ZBTB8OS: variants seen among roughly 807,000 people sequenced by gnomAD.
ZBTB8OS encodes the protein tRNA splicing ligase complex subunit 1.
ZBTB8OS carries 16 observed loss-of-function variants against 29.3 expected under a neutral mutation model. That is an observed-to-expected ratio of 0.55 (90% CI 0.37 to 0.83). The LOEUF is 0.83. Among genes scored for constraint, ZBTB8OS ranks in the 40% least tolerant of loss-of-function variants. The pLI is 0.00. For synonymous variants in ZBTB8OS, 70 were observed against 64.6 expected (o/e 1.08, Z -0.40); for missense variants, 160 against 196.9 (o/e 0.81, Z 1.12).
At chr1:32,641,926 CAAACA>C (rs542788448) in intron 1 of ZBTB8OS, among the ~76,000 whole-genome samples, 3 of 151,920 alleles carry the variant, frequency 2.0e-5, no homozygotes, top group Non-Finnish European at 2.9e-5. Flanking sequence ...GAGACTGTCT[CAAACA>C]AAACAAAACA....
intron 4 of ZBTB8OS, 33 bp downstream of exon 4, chr1:32,633,612 T>C: frequency 6.8e-7 from 1 of 1,465,138 alleles, no homozygotes. Flanking sequence ...TAAGAATCCA[T>C]TTGCTCAGTA....
At position 32,631,835 on chromosome 1, in the gene ZBTB8OS, T is replaced by A. The variant is rs768456677; in HGVS notation, c.372A>T (p.Arg124=). ...AGACTTTCAAAACTTACCCAATTGA[T>A]CGTAATTTGAAATTTCTTTGATCAA... ...LSIDQRNFKL[R]SIGWGEEFSL... The change falls in exon 5 of 7, where the codon CGA becomes CGT. Residue 124 remains arginine, a synonymous_variant. Coordinates refer to ENST00000468695, the MANE Select transcript of ZBTB8OS (RefSeq NM_178547.5). 6.3e-7 allele frequency: 1 copy of A among 1,596,186 alleles called. No homozygotes were observed. The highest frequency in any genetic ancestry group is 1.7e-5 in the Admixed American group (1 of 57,620).
chr1:32,623,981 C>T (rs1341790657), intron 6 of ZBTB8OS, among the ~76,000 whole-genome samples: 5 of 152,056 alleles, frequency 3.3e-5, no homozygotes, highest in East Asian at 1.9e-4. Flanking sequence ...AGTGATAGTG[C>T]GTGAGTTTTC....
rs1443211453 is a variant in ZBTB8OS at position 32,627,557 on chromosome 1, A to G, written c.381-13T>C. 2 of 1,611,574 alleles carry G rather than the reference A, an allele frequency of 1.2e-6. No individual in the cohort carries two copies. Among genetic ancestry groups the G allele is most frequent in the African/African-American group, 2.7e-5 (2 of 74,874 alleles). ...TTCTTCTCCCCACCTTGAGAATACA[A>G]ATTAAAACATGATTAAGATTTGTTC... On this transcript the variant is annotated splice_polypyrimidine_tract_variant and intron_variant, in intron 5 of 6. Coordinates refer to ENST00000468695, the MANE Select transcript of ZBTB8OS (RefSeq NM_178547.5).
chr1:32,629,911 C>T (rs568660207), intron 5 of ZBTB8OS, among the ~76,000 whole-genome samples: 8 of 151,946 alleles, frequency 5.3e-5, no homozygotes, highest in Non-Finnish European at 1.2e-4. Context: ...CACCACCACA[C>T]CTGGCTAATT....
chr1:32,640,290 C>T (rs757720858), intron 1 of ZBTB8OS, among the ~76,000 whole-genome samples: 1 of 151,904 alleles, frequency 6.6e-6, no homozygotes, highest in African/African-American at 2.4e-5. Flanking sequence ...TTAGTAGAGA[C>T]GGGGTTTCAC....
At chr1:32,643,330 C>T (rs542222984) in intron 1 of ZBTB8OS, among the ~76,000 whole-genome samples, 15 of 152,092 alleles carry the variant, frequency 9.9e-5, no homozygotes, top group Admixed American at 2.0e-4. Context: ...GCCTTGGCCT[C>T]CCAAAGTACT....
At chr1:32,641,672 G>A (rs1646417079) in intron 1 of ZBTB8OS, among the ~76,000 whole-genome samples, 1 of 150,488 alleles carries the variant, frequency 6.6e-6, no homozygotes, top group African/African-American at 2.4e-5. Context: ...CCAGCACTTT[G>A]GGAGGCCGAG....
intron 1 of ZBTB8OS, among the ~76,000 whole-genome samples, chr1:32,637,673 G>T (rs1646082655): frequency 1.3e-5 from 2 of 152,110 alleles, no homozygotes; most frequent in African/African-American, 4.8e-5. Flanking sequence ...TCAAGACAAG[G>T]AAGTGGAGGA....
intron 5 of ZBTB8OS, among the ~76,000 whole-genome samples, chr1:32,629,749 C>CTTTTTTTTTTTT (rs869185319): frequency 8.8e-6 from 1 of 114,136 alleles, no homozygotes; most frequent in Non-Finnish European, 1.9e-5. Flanking sequence ...ATGCTTGTTT[C>CTTTTTTTTTTTT]TTTTTTTTTT....
chr1:32,625,888 T>A (rs1645093624), intron 6 of ZBTB8OS, among the ~76,000 whole-genome samples: 1 of 151,848 alleles, frequency 6.6e-6, no homozygotes, highest in Non-Finnish European at 1.5e-5. Flanking sequence ...TTTTTTTTTT[T>A]AGATGGAGTT....
intron 1 of ZBTB8OS, among the ~76,000 whole-genome samples, chr1:32,641,010 C>CAAAAAAAAAAAAAAAA (rs530189429): frequency 2.9e-5 from 3 of 104,782 alleles, no homozygotes; most frequent in African/African-American, 1.2e-4. Flanking sequence ...ACTAAAAATA[C>CAAAAAAAAAAAAAAAA]AAAAAAAAAA....
At chr1:32,627,173 G>A (rs1238774633) in intron 6 of ZBTB8OS, among the ~76,000 whole-genome samples, 2 of 152,112 alleles carry the variant, frequency 1.3e-5, no homozygotes, top group African/African-American at 4.8e-5. Context: ...ACAGAATCTA[G>A]AGACACACAG....
chr1:32,621,547 C>T lies in ZBTB8OS; in HGVS notation c.*315G>A. ...CTGCTGCTGACATCAGTGATCCTCTCTGGGGTGAGGCTGGAGGGCTTGCAT... is the reference window on the plus strand; with the variant it reads ...CTGCTGCTGACATCAGTGATCCTCTTTGGGGTGAGGCTGGAGGGCTTGCAT... On this transcript the variant is annotated 3_prime_UTR_variant, in exon 7 of 7. Transcript: ENST00000468695. The T allele has an allele frequency of 3.4e-6, 1 of 290,958 alleles. No individual in the cohort carries two copies. Among genetic ancestry groups the T allele is most frequent in the Non-Finnish European group, 6.3e-6 (1 of 158,852 alleles). 18.0% of individuals were successfully genotyped at this position (290,958 alleles called of 1,614,324 possible).
chr1:32,636,478 C>T (rs1253520922), intron 1 of ZBTB8OS, among the ~76,000 whole-genome samples: 2 of 152,090 alleles, frequency 1.3e-5, no homozygotes, highest in African/African-American at 4.8e-5. Context: ...ATCACAAGGT[C>T]AGGAGATAGA....
At chr1:32,641,787 GGCTGGC>G (rs1342525634) in intron 1 of ZBTB8OS, among the ~76,000 whole-genome samples, 6 of 151,714 alleles carry the variant, frequency 4.0e-5, no homozygotes, top group Non-Finnish European at 8.8e-5. Flanking sequence ...CGGGCATGGT[GGCTGGC>G]GCCTGTAGTC....
At chr1:32,627,373 C>A (rs1352126908) in intron 6 of ZBTB8OS, 135 bp downstream of exon 6, 1 of 734,376 alleles carries the variant, frequency 1.4e-6, no homozygotes, top group Non-Finnish European at 2.3e-6. Context: ...AAAATATATC[C>A]AGACAGGTCA....
chr1:32,641,649 C>A (rs1327946141), intron 1 of ZBTB8OS, among the ~76,000 whole-genome samples: 1 of 148,758 alleles, frequency 6.7e-6, no homozygotes, highest in Non-Finnish European at 1.5e-5. Context: ...CACGGTGGCT[C>A]ACACCTGTAA....
chr1:32,641,265 GTTTTTTTT>G (rs1160526101), intron 1 of ZBTB8OS, among the ~76,000 whole-genome samples: 20 of 97,266 alleles, frequency 2.1e-4, no homozygotes, highest in Admixed American at 8.3e-4. Flanking sequence ...AATTACACAA[GTTTTTTTT>G]TTTTTTTTTT....
Sources: gnomAD v4.1 joint callset for allele counts (sites outside exome capture counted in the v4.1 genomes callset) on GRCh38, gnomAD v4.1.1 for gene constraint, MANE v1.5 for transcripts, NCBI Gene and HGNC (gene_info 2026-07-23, HGNC 2026-07-21) for gene names.